Variants in ZC3H12B observed in about 807,000 individuals in gnomAD.
ZC3H12B encodes the protein probable ribonuclease ZC3H12B.
ZC3H12B carries 7 observed loss-of-function variants against 43.9 expected under a neutral mutation model. The observed-to-expected ratio is 0.16, with a 90% CI of 0.09 to 0.30. ZC3H12B has a LOEUF of 0.30. Among genes scored for constraint, ZC3H12B ranks in the 10% least tolerant of loss-of-function variants. ZC3H12B has a pLI of 1.00. For synonymous variants in ZC3H12B, 222 were observed against 241.7 expected, an observed-to-expected ratio of 0.92 and a Z score of 0.76; for missense variants, 475 against 670.2, an observed-to-expected ratio of 0.71 and a Z score of 3.22.
chrX:65,167,268 C>T, the ZC3H12B span, among the ~76,000 whole-genome samples: 1 of 111,899 alleles, frequency 8.9e-6, no homozygotes, highest in Non-Finnish European at 1.9e-5. Context: ...TATGGCTAGC[C>T]AGTTTTCCCA....
At chrX:65,444,728 G>A (rs1484842928) in intron 3 of ZC3H12B, among the ~76,000 whole-genome samples, 1 of 111,899 alleles carries the variant, frequency 8.9e-6, no homozygotes, top group Non-Finnish European at 1.9e-5. Context: ...AGTTTGAAGG[G>A]CTCAGAAGAA....
the ZC3H12B span, among the ~76,000 whole-genome samples, chrX:65,038,060 TAGTC>T: frequency 7.2e-5 from 8 of 111,457 alleles, no homozygotes; most frequent in Admixed American, 7.6e-4. Context: ...TCCTAGGTTT[TAGTC>T]AGCCATTGTA....
the ZC3H12B span, among the ~76,000 whole-genome samples, chrX:65,308,632 G>A: frequency 9.0e-6 from 1 of 111,566 alleles, no homozygotes; most frequent in African/African-American, 3.3e-5. Flanking sequence ...TCTGCACCAA[G>A]TGGACCTCAT....
the ZC3H12B span, among the ~76,000 whole-genome samples, chrX:65,239,647 G>GC: frequency 2.7e-5 from 3 of 111,953 alleles, no homozygotes; most frequent in East Asian, 8.4e-4. Flanking sequence ...TTGCACACTT[G>GC]TTTATGTGGT....
intron 2 of ZC3H12B, among the ~76,000 whole-genome samples, chrX:65,373,117 C>T (rs773071216): frequency 3.6e-5 from 4 of 112,046 alleles, no homozygotes; most frequent in African/African-American, 1.3e-4. Flanking sequence ...GGGATTATGC[C>T]ATTCACCCCA....
exon 5 of ZC3H12B, chrX:65,502,846 G>A (rs753129536): frequency 1.7e-6 from 2 of 1,211,049 alleles, no homozygotes; most frequent in Admixed American, 4.3e-5. Flanking sequence ...ACCCCGTGAG[G>A]CAAAGACGAC....
chrX:65,349,654 TA>T, the ZC3H12B span, among the ~76,000 whole-genome samples: 2 of 110,887 alleles, frequency 1.8e-5, no homozygotes, highest in African/African-American at 6.6e-5. Context: ...ATAGATCCAA[TA>T]AAAAAATTAT....
At chrX:65,297,783 T>C in the ZC3H12B span, among the ~76,000 whole-genome samples, 2 of 111,938 alleles carry the variant, frequency 1.8e-5, no homozygotes, top group East Asian at 2.8e-4. Context: ...AGCATGGTAC[T>C]GGCATAAAAA....
At chrX:65,200,104 C>G in the ZC3H12B span, among the ~76,000 whole-genome samples, 1 of 111,548 alleles carries the variant, frequency 9.0e-6, no homozygotes, top group Non-Finnish European at 1.9e-5. Flanking sequence ...TCTCCACAAC[C>G]TCTCTGGTAT....
chrX:65,281,982 C>A, the ZC3H12B span, among the ~76,000 whole-genome samples: 1 of 111,512 alleles, frequency 9.0e-6, no homozygotes, highest in Non-Finnish European at 1.9e-5. Context: ...TGTGATGCAC[C>A]ACATTAAAGA....
At chrX:65,258,350 T>G in the ZC3H12B span, among the ~76,000 whole-genome samples, 1 of 111,772 alleles carries the variant, frequency 8.9e-6, no homozygotes, top group Non-Finnish European at 1.9e-5. Flanking sequence ...AAAAAAGGCT[T>G]TTGATAAAAT....
the ZC3H12B span, among the ~76,000 whole-genome samples, chrX:65,072,780 C>G: frequency 8.9e-6 from 1 of 111,819 alleles, no homozygotes; most frequent in Non-Finnish European, 1.9e-5. Flanking sequence ...TTGTTGGCTA[C>G]CATAGGGCAT....
chrX:65,422,907 C>T (rs2067035915), intron 3 of ZC3H12B, among the ~76,000 whole-genome samples: 1 of 105,512 alleles, frequency 9.5e-6, no homozygotes, highest in African/African-American at 3.5e-5. Flanking sequence ...TGTATAAGTG[C>T]CACATTTTCT....
At chrX:65,452,505 C>A (rs889455744) in intron 3 of ZC3H12B, among the ~76,000 whole-genome samples, 2 of 109,559 alleles carry the variant, frequency 1.8e-5, no homozygotes, top group African/African-American at 6.7e-5. Flanking sequence ...AGGAAAACTA[C>A]AAAACACTGC....
the ZC3H12B span, among the ~76,000 whole-genome samples, chrX:65,281,224 A>G: frequency 7.1e-3 from 753 of 105,800 alleles, 4 homozygotes; most frequent in Non-Finnish European, 0.011. Context: ...ACATACCTAT[A>G]GCCAAACTTT....
the ZC3H12B span, among the ~76,000 whole-genome samples, chrX:65,201,399 C>G: frequency 3.9e-4 from 43 of 110,812 alleles, no homozygotes; most frequent in Admixed American, 4.1e-3. Context: ...GTGCTATCCC[C>G]CTTATCATTT....
At chrX:65,368,101 C>A (rs748284575) in intron 1 of ZC3H12B, among the ~76,000 whole-genome samples, 1 of 111,942 alleles carries the variant, frequency 8.9e-6, no homozygotes, top group African/African-American at 3.2e-5. Context: ...ATTAGTGTAA[C>A]GATTAACATT....
the ZC3H12B span, among the ~76,000 whole-genome samples, chrX:65,193,393 C>A: frequency 1.8e-5 from 2 of 111,367 alleles, no homozygotes; most frequent in East Asian, 5.6e-4. Flanking sequence ...GGAATTTATC[C>A]CTTGCTTCTA....
At chrX:65,153,975 C>A in the ZC3H12B span, among the ~76,000 whole-genome samples, 1 of 110,694 alleles carries the variant, frequency 9.0e-6, no homozygotes. Flanking sequence ...TAAACTATTG[C>A]AAGGACAAAA....
Sources: allele counts gnomAD v4.1 joint callset (sites outside exome capture counted in the v4.1 genomes callset), GRCh38; gene constraint gnomAD v4.1.1; transcripts MANE v1.5; gene names NCBI Gene and HGNC (gene_info 2026-07-23, HGNC 2026-07-21).